Variants in KCNIP4 observed in about 807,000 individuals in gnomAD.
KCNIP4 encodes Kv channel-interacting protein 4.
Under a neutral mutation model 34.0 loss-of-function variants are expected in KCNIP4, and 12 were observed. That is an observed-to-expected ratio of 0.35 (90% confidence interval 0.23 to 0.57). The LOEUF is 0.57. Among genes scored for constraint, KCNIP4 ranks in the 20% least tolerant of loss-of-function variants. The pLI is 0.83. For missense variants in KCNIP4, 238 were observed against 311.7 expected (o/e 0.76, Z 1.78); for synonymous variants, 124 against 102.2 (o/e 1.21, Z -1.29).
chr4:20,855,091 C>A (rs917194263), intron 2 of KCNIP4, among the ~76,000 whole-genome samples: 2 of 152,150 alleles, frequency 1.3e-5, no homozygotes, highest in Non-Finnish European at 2.9e-5. Flanking sequence ...GTCCATAGAA[C>A]CTTTCCTGGC....
chr4:21,211,262 A>C (rs1405507775), intron 1 of KCNIP4, among the ~76,000 whole-genome samples: 1 of 152,052 alleles, frequency 6.6e-6, no homozygotes, highest in Non-Finnish European at 1.5e-5. Flanking sequence ...GTGCACTTTA[A>C]AGTTTTATCT....
intron 1 of KCNIP4, among the ~76,000 whole-genome samples, chr4:20,980,993 C>T (rs538655445): frequency 6.6e-6 from 1 of 152,122 alleles, no homozygotes; most frequent in Non-Finnish European, 1.5e-5. Flanking sequence ...CTTTAGCTGC[C>T]TTTTTTTCTC....
rs150603212 is a variant in KCNIP4 at position 21,638,237 on chromosome 4, A to G, written c.61+310334T>C. Among the ~76,000 whole-genome samples, 521 of 152,280 alleles carry G rather than the reference A, an allele frequency of 3.4e-3. 7 individuals are homozygous for G. The East Asian group carries it at 0.059, about 17-fold the overall frequency. Reference sequence around the variant, plus strand: ...TAAATTTTCCAATCAGGGGCAAATCAAGGCCAATCATGATTCATCAGCAGC... The same window carrying G: ...TAAATTTTCCAATCAGGGGCAAATCGAGGCCAATCATGATTCATCAGCAGC... On this transcript the variant is annotated intron_variant, in intron 1 of 8. Transcript: ENST00000382152.
intron 1 of KCNIP4, among the ~76,000 whole-genome samples, chr4:21,134,445 G>C (rs1444013037): frequency 6.6e-6 from 1 of 152,160 alleles, no homozygotes. Context: ...CTGGCCAAAA[G>C]TATGTCATTA....
chr4:21,287,100 T>C (rs930371247), intron 1 of KCNIP4, among the ~76,000 whole-genome samples: 2 of 152,176 alleles, frequency 1.3e-5, no homozygotes, highest in East Asian at 3.9e-4. Context: ...CCTGGAAGCA[T>C]TGCCTGACTT....
intron 1 of KCNIP4, among the ~76,000 whole-genome samples, chr4:21,100,116 A>G (rs576929744): frequency 2.6e-4 from 39 of 152,048 alleles, no homozygotes; most frequent in African/African-American, 9.1e-4. Context: ...TCGATAAAGC[A>G]GAAGAAGGGT....
At chr4:21,941,031 T>C (rs1730176162) in intron 1 of KCNIP4, among the ~76,000 whole-genome samples, 1 of 152,166 alleles carries the variant, frequency 6.6e-6, no homozygotes, top group Admixed American at 6.5e-5. Flanking sequence ...GGCTAGGCCA[T>C]TTTTTAAAGT....
chr4:21,044,244 G>A (rs1170608485), intron 1 of KCNIP4, among the ~76,000 whole-genome samples: 1 of 151,946 alleles, frequency 6.6e-6, no homozygotes, highest in African/African-American at 2.4e-5. Flanking sequence ...ATTGTCCTAT[G>A]GACTCTGTTT....
intron 1 of KCNIP4, among the ~76,000 whole-genome samples, chr4:21,786,535 T>C (rs1719925419): frequency 6.6e-6 from 1 of 151,818 alleles, no homozygotes; most frequent in Non-Finnish European, 1.5e-5. Context: ...GTTATTTGTC[T>C]ACATTGAGTG....
At chr4:21,079,193 C>G (rs888819176) in intron 1 of KCNIP4, among the ~76,000 whole-genome samples, 34 of 152,176 alleles carry the variant, frequency 2.2e-4, no homozygotes, top group Non-Finnish European at 4.4e-5. Context: ...AACAAGGCCA[C>G]TTTTGACAAC....
chr4:21,714,786 A>ATGTATTTTATTTAT (rs1553923859), intron 1 of KCNIP4, among the ~76,000 whole-genome samples: 1 of 46,250 alleles, frequency 2.2e-5, no homozygotes, highest in African/African-American at 1.3e-4. Flanking sequence ...TTTCCCTTTG[A>ATGTATTTTATTTAT]TTATTTTATT....
intron 3 of KCNIP4, among the ~76,000 whole-genome samples, chr4:20,767,564 C>T (rs546252590): frequency 6.6e-6 from 1 of 152,294 alleles, no homozygotes; most frequent in African/African-American, 2.4e-5. Context: ...AACCTTTCAG[C>T]ATTTCCTGGA....
At chr4:21,211,582 T>C (rs560739211) in intron 1 of KCNIP4, among the ~76,000 whole-genome samples, 1 of 152,232 alleles carries the variant, frequency 6.6e-6, no homozygotes, top group Non-Finnish European at 1.5e-5. Context: ...GGAAAAATTG[T>C]CTTCCAGGAA....
chr4:20,850,660 C>T lies in KCNIP4; in HGVS notation c.171G>A (p.Val57=). The change falls in exon 3 of 9, where the codon GTG becomes GTA. Residue 57 remains valine, a synonymous_variant. Coordinates refer to ENST00000382152, the MANE Select transcript of KCNIP4 (RefSeq NM_025221.6). The part of the protein sequence containing the change: ...KTSSPAIQNS[V]EDELEMATVR... The stretch of plus-strand genomic sequence containing the variant: ...CGGTGGCCATCTCCAGTTCATCTTC[C>T]ACGCTGTCTGTGGAGGAAAACAAGA... 6.2e-7 allele frequency: 1 copy of T among 1,611,974 alleles called. No homozygotes were observed. The highest frequency in any genetic ancestry group is 8.5e-7 in the Non-Finnish European group (1 of 1,179,472).
chr4:21,015,078 C>A (rs1739380670), intron 1 of KCNIP4, among the ~76,000 whole-genome samples: 2 of 151,826 alleles, frequency 1.3e-5, no homozygotes, highest in South Asian at 2.1e-4. Flanking sequence ...TTAGAAGAAG[C>A]AAATTCATAG....
chr4:21,126,783 C>G (rs1372394825), intron 1 of KCNIP4, among the ~76,000 whole-genome samples: 1 of 152,058 alleles, frequency 6.6e-6, no homozygotes, highest in Non-Finnish European at 1.5e-5. Context: ...AGACAAAAAG[C>G]AAGTAGCAAG....
At chr4:20,950,228 G>C (rs930293272) in intron 1 of KCNIP4, among the ~76,000 whole-genome samples, 3 of 151,694 alleles carry the variant, frequency 2.0e-5, no homozygotes, top group African/African-American at 7.3e-5. Context: ...AGCTAGCATG[G>C]AAAGGAGAAT....
intron 1 of KCNIP4, among the ~76,000 whole-genome samples, chr4:21,580,039 T>A (rs909454353): frequency 6.6e-6 from 1 of 152,132 alleles, no homozygotes; most frequent in African/African-American, 2.4e-5. Context: ...CCCAAATATG[T>A]GTTGAAATAA....
chr4:21,934,588 G>C (rs1357714755), intron 1 of KCNIP4, among the ~76,000 whole-genome samples: 2 of 152,006 alleles, frequency 1.3e-5, no homozygotes, highest in African/African-American at 4.8e-5. Flanking sequence ...CTCTTTAACT[G>C]CATGCACCAC....
Sources: allele counts gnomAD v4.1 joint callset (sites outside exome capture counted in the v4.1 genomes callset), GRCh38; gene constraint gnomAD v4.1.1; transcripts MANE v1.5; gene names NCBI Gene and HGNC (gene_info 2026-07-23, HGNC 2026-07-21).